USP36: variants seen among roughly 807,000 people sequenced by gnomAD.
USP36 encodes ubiquitin specific peptidase 36.
In USP36, 59 loss-of-function variants were observed where a neutral mutation model predicts 111.5. The ratio of observed to expected loss-of-function variants is 0.53; its 90% CI spans 0.43 to 0.66. USP36 has a LOEUF of 0.66. Ranked by LOEUF, USP36 falls within the 30% of genes least tolerant of loss-of-function variation. The pLI is 0.00. For synonymous variants in USP36, 628 were observed against 581.0 expected, an observed-to-expected ratio of 1.08 and a Z score of -1.16; for missense variants, 1,488 against 1,468.0, an observed-to-expected ratio of 1.01 and a Z score of -0.22.
intron 17 of USP36, among the ~76,000 whole-genome samples, chr17:78,800,969 A>ATTTT (rs746497209): frequency 1.0e-4 from 10 of 97,212 alleles, no homozygotes; most frequent in Admixed American, 2.4e-4. Context: ...TTAGGGCAGT[A>ATTTT]TTTTTTTTTT....
intron 15 of USP36, among the ~76,000 whole-genome samples, chr17:78,804,908 G>T (rs1207731924): frequency 6.6e-6 from 1 of 152,124 alleles, no homozygotes; most frequent in African/African-American, 2.4e-5. Flanking sequence ...GGTGTTCCCG[G>T]GCAGGAAATG....
In USP36 at chr17:78,835,416, C is replaced by A. The variant is rs200549451; in HGVS notation, c.339G>T (p.Arg113Ser). 3 of 1,614,274 alleles carry A rather than the reference C, an allele frequency of 1.9e-6. No individual in the cohort carries two copies. The East Asian group carries it at 6.7e-5, about 36-fold the overall frequency. The change falls in exon 4 of 21, where the codon AGG becomes AGT. Residue 113 changes from arginine (R) to serine (S), a missense_variant. Physicochemically the swap from Arg to Ser is moderately radical, Grantham distance 110. Transcript: ENST00000449938. The part of the protein sequence containing the change: ...VLFPTERLSL[R>S]WERVFRVGAG... ...CGCCCACGCGGAAGACCCGCTCCCA[C>A]CTCAGAGACAGTCGCTCCGTGGGGA...
At position 78,798,342 on chromosome 17, in the gene USP36, CACAT is replaced by C; in HGVS notation, c.*20+54_*20+57del. On this transcript the variant is annotated intron_variant, in intron 20 of 20. Transcript: ENST00000449938. The surrounding 1 kb of genome is among the most constrained non-coding windows in gnomAD (Gnocchi z 5.1). The stretch of plus-strand genomic sequence containing the variant: ...CGCCACACCCCACCACACCCCTACA[CACAT>C]ACACGGCACACACACCCCCACCTCA... 3 of 1,597,496 alleles carry C rather than the reference CACAT, an allele frequency of 1.9e-6. No homozygotes were observed. The highest frequency in any genetic ancestry group is 2.6e-6 in the Non-Finnish European group (3 of 1,174,054).
intron 15 of USP36, among the ~76,000 whole-genome samples, chr17:78,804,414 C>A (rs1205494189): frequency 1.3e-5 from 2 of 148,810 alleles, no homozygotes; most frequent in Non-Finnish European, 3.0e-5. Flanking sequence ...TGAGCCGAAT[C>A]GCGCCACTGC....
At chr17:78,818,537 G>T (rs9893633) in intron 10 of USP36, 130 bp downstream of exon 10, 7 of 768,672 alleles carry the variant, frequency 9.1e-6, no homozygotes, top group Non-Finnish European at 1.5e-5. Flanking sequence ...AATATGTGTA[G>T]AACCTTTAGA....
rs1442174787 is a variant in USP36 at position 78,812,993 on chromosome 17, C to G, written c.1274G>C (p.Gly425Ala). 6.2e-7 allele frequency: 1 copy of G among 1,613,896 alleles called. No individual in the cohort carries two copies. The highest frequency in any genetic ancestry group is 8.5e-7 in the Non-Finnish European group (1 of 1,179,942). The change falls in exon 13 of 21, where the codon GGC becomes GCC. Residue 425 changes from glycine to alanine, a missense_variant. Physicochemically the swap from Gly to Ala is moderately conservative, Grantham distance 60 (BLOSUM62 0). This residue lies in a region of USP36 where 1,073 missense variants were observed against 994.1 expected (regional missense o/e 1.08). Coordinates refer to ENST00000449938, the MANE Select transcript of USP36 (RefSeq NM_001385174.1). The part of the protein sequence containing the change: ...AYVLFYLRIP[G>A]SKKSPEGLIS... Reference sequence around the variant, plus strand: ...GAGGCCCTCGGGACTTTTCTTAGAGCCTGGAATTCTGTCAAAGGAAGAAAA... The same window carrying G: ...GAGGCCCTCGGGACTTTTCTTAGAGGCTGGAATTCTGTCAAAGGAAGAAAA...
At chr17:78,790,980 C>T (rs188478287), downstream of USP36, among the ~76,000 whole-genome samples, 14 of 152,242 alleles carry the variant, frequency 9.2e-5, no homozygotes, top group South Asian at 2.1e-4. Flanking sequence ...AATGAAAACA[C>T]GCATGCAAGA....
rs1396938098 is a variant in USP36, at chr17:78,795,826, TACA to T, written c.*2071_*2073del. 1 of 152,216 alleles carries T rather than the reference TACA, an allele frequency of 6.6e-6. No individual in the cohort carries two copies. The highest frequency in any genetic ancestry group is 2.4e-5 in the African/African-American group (1 of 41,422). 9.4% of individuals were successfully genotyped at this position (152,216 alleles called of 1,614,324 possible). A position where few individuals can be genotyped will look rare whatever the true frequency, so the allele number is the denominator to read the frequency against. ...GAGGACCTGGGAGAGGTAGCTGCTG[TACA>T]CAGGCCCCACTCCCTCCAGCTCCAT... On this transcript the variant is annotated 3_prime_UTR_variant, in exon 21 of 21. Coordinates refer to ENST00000449938, the MANE Select transcript of USP36 (RefSeq NM_001385174.1). This position sits in a 1 kb window ranked among gnomAD's most constrained non-coding sequence, Gnocchi z 4.5.
chr17:78,816,454 C>T (rs1325392838), intron 10 of USP36, among the ~76,000 whole-genome samples: 3 of 151,900 alleles, frequency 2.0e-5, no homozygotes, highest in Non-Finnish European at 4.4e-5. Flanking sequence ...GGTGGAACCC[C>T]GTCTCTACTA....
At chr17:78,818,621 G>A (rs765859227) in intron 10 of USP36, 46 bp downstream of exon 10, 7 of 1,549,704 alleles carry the variant, frequency 4.5e-6, no homozygotes, top group South Asian at 2.2e-5. Flanking sequence ...TTCTGATGCC[G>A]ACTGTGGCCC....
At chr17:78,832,345 A>G (rs1278854358) in intron 4 of USP36, among the ~76,000 whole-genome samples, 1 of 152,228 alleles carries the variant, frequency 6.6e-6, no homozygotes, top group Non-Finnish European at 1.5e-5. Flanking sequence ...GGGAGACCAC[A>G]GCCAAAGCCC....
chr17:78,821,292 A>G (rs1171879194), intron 7 of USP36: 1 of 442,476 alleles, frequency 2.3e-6, no homozygotes, highest in Non-Finnish European at 4.2e-6. Flanking sequence ...CCCTGCCTGG[A>G]CTGCTGACCA....
At chr17:78,794,413 C>A (rs1001900282), downstream of USP36, among the ~76,000 whole-genome samples, 2 of 152,208 alleles carry the variant, frequency 1.3e-5, no homozygotes, top group African/African-American at 4.8e-5. Context: ...CCACTGCCAG[C>A]CCCCTTTCAG....
At position 78,795,707 on chromosome 17, in the gene USP36, C is replaced by G. The variant is rs1486393737; in HGVS notation, c.*2193G>C. 6.6e-6 allele frequency: 1 copy of G among 152,204 alleles called. No homozygotes were observed. Among genetic ancestry groups the G allele is most frequent in the African/African-American group, 2.4e-5 (1 of 41,444 alleles). 9.4% of individuals were successfully genotyped at this position (152,204 alleles called of 1,614,324 possible). On this transcript the variant is annotated 3_prime_UTR_variant, in exon 21 of 21. Transcript: ENST00000449938. The surrounding 1 kb of genome is among the most constrained non-coding windows in gnomAD (Gnocchi z 4.5). Reference sequence around the variant, plus strand: ...GATCTTGGCAACACGTGGGGCTCCCCAGGCCCCCGGAAAGGAGGTGCAGAG... The same window carrying G: ...GATCTTGGCAACACGTGGGGCTCCCGAGGCCCCCGGAAAGGAGGTGCAGAG...
intron 10 of USP36, 139 bp from the exon 11 acceptor site, chr17:78,814,691 G>T: frequency 9.5e-7 from 1 of 1,053,960 alleles, no homozygotes; most frequent in Non-Finnish European, 1.3e-6. Flanking sequence ...AGTGGCTCAC[G>T]CCTGTAATCC....
chr17:78,803,540 G>A lies in USP36; in HGVS notation c.2655C>T (p.Val885=), dbSNP rs777501860. The A allele has an allele frequency of 1.2e-6, 2 of 1,613,684 alleles. No individual in the cohort carries two copies. The highest frequency in any genetic ancestry group is 1.1e-5 in the South Asian group (1 of 91,080). The change falls in exon 16 of 21, where the codon GTC becomes GTT. Residue 885 remains valine (V), a synonymous_variant. Coordinates refer to ENST00000449938, the MANE Select transcript of USP36 (RefSeq NM_001385174.1). This position sits in a 1 kb window ranked among gnomAD's most constrained non-coding sequence, Gnocchi z 4.6. ...RREGQAQLPA[V]RRQEDGTQPQ... ...GCTGTGTGCCATCTTCCTGCCGTCT[G>A]ACAGCGGGCAGCTGTGCCTGGCCCT...
chr17:78,789,867 A>G (rs2093567994), intron 3 of USP36, among the ~76,000 whole-genome samples: 1 of 152,218 alleles, frequency 6.6e-6, no homozygotes, highest in Non-Finnish European at 1.5e-5. Context: ...CAGGGAAGGC[A>G]ATGTGAAGGG....
Position 78,820,986 on chromosome 17 carries a change from T to C in USP36, c.828+5A>G, listed in dbSNP as rs1181841300. On this transcript the variant is annotated splice_donor_5th_base_variant and intron_variant, in intron 8 of 20. Transcript: ENST00000449938. Reference sequence around the variant, plus strand: ...GCAAAAGTGAAGGGCAGGACAGATCTGTACCCGGATCTCCAGCGCGACGTC... The same window carrying C: ...GCAAAAGTGAAGGGCAGGACAGATCCGTACCCGGATCTCCAGCGCGACGTC... 19 of 1,607,106 alleles carry C rather than the reference T, an allele frequency of 1.2e-5. No homozygotes were observed. The highest frequency in any genetic ancestry group is 1.6e-5 in the Non-Finnish European group (19 of 1,176,588).
intron 2 of USP36, among the ~76,000 whole-genome samples, chr17:78,837,680 ACTAT>A (rs765333570): frequency 3.3e-5 from 5 of 152,096 alleles, no homozygotes; most frequent in Admixed American, 6.5e-5. Flanking sequence ...CACAGCACAG[ACTAT>A]CTGAGTCACA....
Sources: allele counts gnomAD v4.1 joint callset (sites outside exome capture counted in the v4.1 genomes callset), GRCh38; gene constraint gnomAD v4.1.1; regional missense constraint gnomAD v4.1.1; non-coding constraint Gnocchi (gnomAD v3.1); transcripts MANE v1.5; gene names NCBI Gene and HGNC (gene_info 2026-07-23, HGNC 2026-07-21).